The following CDH13 variants were observed in gnomAD, a reference collection of about 807,000 sequenced individuals.
CDH13 encodes the protein cadherin-13.
In CDH13, 24 loss-of-function variants were observed where a neutral mutation model predicts 63.8. The observed-to-expected ratio is 0.38, with a 90% CI of 0.27 to 0.53. The LOEUF is 0.53. Among genes scored for constraint, CDH13 ranks in the 20% least tolerant of loss-of-function variants. The pLI, the probability that CDH13 is intolerant of heterozygous loss-of-function variation, is 0.85. For missense variants in CDH13, 1,049 were observed against 903.1 expected, an observed-to-expected ratio of 1.16 and a Z score of -2.07; for synonymous variants, 503 against 355.3, an observed-to-expected ratio of 1.42 and a Z score of -4.67.
chr16:82,774,268 A>C (rs1276922051), intron 1 of CDH13, among the ~76,000 whole-genome samples: 1 of 152,052 alleles, frequency 6.6e-6, no homozygotes, highest in African/African-American at 2.4e-5. Flanking sequence ...CTGGTGTCAT[A>C]CTGCCTGGGT....
intron 7 of CDH13, among the ~76,000 whole-genome samples, chr16:83,586,391 A>G (rs772740168): frequency 6.6e-6 from 1 of 152,198 alleles, no homozygotes; most frequent in African/African-American, 2.4e-5. Context: ...GACTCCGTTT[A>G]TTGTTATTTT....
intron 1 of CDH13, among the ~76,000 whole-genome samples, chr16:82,777,519 C>G (rs1000768948): frequency 1.3e-5 from 2 of 152,170 alleles, no homozygotes; most frequent in African/African-American, 4.8e-5. Context: ...TGCAATAGGC[C>G]TTGTCTTTTG....
intron 4 of CDH13, among the ~76,000 whole-genome samples, chr16:83,140,011 T>C (rs2036461107): frequency 6.6e-6 from 1 of 152,028 alleles, no homozygotes; most frequent in Non-Finnish European, 1.5e-5. Context: ...TATAAATAAA[T>C]AAATATCCCT....
intron 4 of CDH13, among the ~76,000 whole-genome samples, chr16:83,155,736 C>G (rs2037180420): frequency 6.6e-6 from 1 of 152,136 alleles, no homozygotes; most frequent in Non-Finnish European, 1.5e-5. Context: ...AAACAACAGA[C>G]CTCACAGGAG....
chr16:83,566,100 C>G (rs1904278124), intron 7 of CDH13, among the ~76,000 whole-genome samples: 1 of 152,186 alleles, frequency 6.6e-6, no homozygotes, highest in Non-Finnish European at 1.5e-5. Context: ...TTGCCACCTG[C>G]TCAGATGCCC....
At chr16:82,836,309 C>T (rs2038765770) in intron 1 of CDH13, among the ~76,000 whole-genome samples, 2 of 151,978 alleles carry the variant, frequency 1.3e-5, no homozygotes, top group Admixed American at 6.6e-5. Context: ...CCACCACGCC[C>T]AGTTATTTTT....
chr16:82,732,501 C>G (rs951367788), intron 1 of CDH13, among the ~76,000 whole-genome samples: 3 of 152,126 alleles, frequency 2.0e-5, no homozygotes, highest in African/African-American at 7.2e-5. Context: ...CCAGCCAGGA[C>G]AAATCTATTT....
chr16:82,960,902 C>T (rs890809426), intron 2 of CDH13, among the ~76,000 whole-genome samples: 7 of 151,978 alleles, frequency 4.6e-5, no homozygotes, highest in African/African-American at 9.7e-5. Flanking sequence ...TTTTAGTACA[C>T]GTTTCTGTTT....
intron 3 of CDH13, among the ~76,000 whole-genome samples, chr16:83,097,557 CA>C: frequency 6.6e-6 from 1 of 152,292 alleles, no homozygotes; most frequent in Middle Eastern, 3.4e-3. Context: ...CCCCAGTAAT[CA>C]ATATGGATGC....
intron 5 of CDH13, among the ~76,000 whole-genome samples, chr16:83,326,351 A>T (rs1401285866): frequency 1.3e-5 from 2 of 151,970 alleles, no homozygotes; most frequent in Non-Finnish European, 2.9e-5. Flanking sequence ...GGGTAGCATA[A>T]ATCATTAGTA....
intron 1 of CDH13, among the ~76,000 whole-genome samples, chr16:82,830,965 G>A (rs2038513306): frequency 6.6e-6 from 1 of 152,108 alleles, no homozygotes; most frequent in Admixed American, 6.6e-5. Flanking sequence ...TACAGAGGGT[G>A]CTTAGCAAAT....
chr16:83,268,439 A>AT (rs1308576924), intron 5 of CDH13, among the ~76,000 whole-genome samples: 1 of 152,110 alleles, frequency 6.6e-6, no homozygotes, highest in Non-Finnish European at 1.5e-5. Flanking sequence ...CAGTTACCAC[A>AT]TTTTTTCCAA....
At chr16:82,896,632 G>A (rs1006636642) in intron 2 of CDH13, among the ~76,000 whole-genome samples, 1 of 151,814 alleles carries the variant, frequency 6.6e-6, no homozygotes, top group Non-Finnish European at 1.5e-5. Flanking sequence ...ATTATTAGGG[G>A]ATATACCTGG....
In CDH13 at chr16:83,677,779, C is replaced by T. The variant is rs556983914; in HGVS notation, c.1285-429C>T. Among the ~76,000 whole-genome samples the T allele has an allele frequency of 5.9e-5, 9 of 152,192 alleles. No individual in the cohort carries two copies. In the South Asian group the frequency reaches 8.3e-4, roughly 14 times the overall value. On this transcript the variant is annotated intron_variant, in intron 9 of 13. Coordinates refer to ENST00000567109, the MANE Select transcript of CDH13 (RefSeq NM_001257.5). ...TTGGAGTCTCATTTACCAGAGCCCC[C>T]GTGGGTGTCGGGGGTACGGAGTTAC...
chr16:83,099,331 C>T (rs1210918158), intron 3 of CDH13, among the ~76,000 whole-genome samples: 1 of 151,788 alleles, frequency 6.6e-6, no homozygotes, highest in Non-Finnish European at 1.5e-5. Context: ...TCATTTTACA[C>T]ATTTTTTTTA....
chr16:83,551,667 T>C (rs1567757584), intron 7 of CDH13, among the ~76,000 whole-genome samples: 2 of 152,208 alleles, frequency 1.3e-5, no homozygotes, highest in Admixed American at 1.3e-4. Flanking sequence ...TTGTTTAAGA[T>C]GTGTCATCTG....
At chr16:83,792,123 A>ACAGACACGGCCTGCAAAGG (rs553495869) in intron 13 of CDH13, among the ~76,000 whole-genome samples, 81 of 152,326 alleles carry the variant, frequency 5.3e-4, no homozygotes, top group African/African-American at 1.8e-3. Flanking sequence ...CGTATTATGG[A>ACAGACACGGCCTGCAAAGG]CAGACACGGC....
intron 10 of CDH13, among the ~76,000 whole-genome samples, chr16:83,706,636 G>C (rs1907100462): frequency 6.6e-6 from 1 of 152,088 alleles, no homozygotes; most frequent in Non-Finnish European, 1.5e-5. Context: ...TCATTTCTTT[G>C]GTTGCAAGCC....
At position 83,560,906 on chromosome 16, in the gene CDH13, CCCCG is replaced by C; in HGVS notation, c.961-41544_961-41541del. Among the ~76,000 whole-genome samples, 2 of 151,982 alleles carry C rather than the reference CCCCG, an allele frequency of 1.3e-5. 1 individual carries two copies. Among genetic ancestry groups the C allele is most frequent in the African/African-American group, 4.8e-5 (2 of 41,542 alleles). ...AAGTGTACCATAAGGTTGGCCCCCCCCCCGCCCCAGGGGCTGAGGGTTGGGCAGA... is the reference window on the plus strand; with the variant it reads ...AAGTGTACCATAAGGTTGGCCCCCCCCCCCAGGGGCTGAGGGTTGGGCAGA... On this transcript the variant is annotated intron_variant, in intron 7 of 13. Transcript: ENST00000567109.
Sources: gnomAD v4.1 joint callset for allele counts (sites outside exome capture counted in the v4.1 genomes callset) on GRCh38, gnomAD v4.1.1 for gene constraint, MANE v1.5 for transcripts, NCBI Gene and HGNC (gene_info 2026-07-23, HGNC 2026-07-21) for gene names.